The following SEC23A variants were observed in gnomAD, a reference collection of about 807,000 sequenced individuals.
SEC23A encodes SEC23 homolog A, COPII component.
SEC23A carries 56 observed loss-of-function variants against 103.7 expected under a neutral mutation model. The ratio of observed to expected loss-of-function variants is 0.54; its 90% confidence interval spans 0.44 to 0.67. The LOEUF (loss-of-function observed/expected upper bound fraction) is 0.67. SEC23A is among the 30% of genes least tolerant of loss of function. SEC23A has a pLI of 0.00. For synonymous variants in SEC23A, 281 were observed against 293.0 expected (o/e 0.96, Z 0.42); for missense variants, 784 against 936.4 (o/e 0.84, Z 2.12).
intron 14 of SEC23A, among the ~76,000 whole-genome samples, chr14:39,052,275 C>G (rs1467544994): frequency 6.6e-6 from 1 of 151,824 alleles, no homozygotes; most frequent in African/African-American, 2.4e-5. Context: ...ATACAAAAAA[C>G]CTGCACATCC....
intron 9 of SEC23A, among the ~76,000 whole-genome samples, chr14:39,072,788 C>G (rs1433804888): frequency 1.3e-5 from 2 of 152,086 alleles, no homozygotes; most frequent in African/African-American, 4.8e-5. Flanking sequence ...ACTCCAGCCT[C>G]AGTAACAGAG....
chr14:39,101,412 G>A (rs1019441880), intron 1 of SEC23A, among the ~76,000 whole-genome samples: 1 of 151,820 alleles, frequency 6.6e-6, no homozygotes, highest in Non-Finnish European at 1.5e-5. Context: ...GAGGTCAGGA[G>A]ATCGAGACCA....
intron 7 of SEC23A, among the ~76,000 whole-genome samples, chr14:39,083,778 T>C (rs1181894136): frequency 1.3e-5 from 2 of 152,030 alleles, no homozygotes; most frequent in South Asian, 2.1e-4. Context: ...TTGCTCAGGC[T>C]GGTCTCGAAC....
At chr14:39,040,491 C>G in intron 18 of SEC23A, 4 of 555,452 alleles carry the variant, frequency 7.2e-6, no homozygotes, top group Non-Finnish European at 1.3e-5. Flanking sequence ...TGGCCCTGTT[C>G]AGGAAGCTAG....
At chr14:39,064,767 A>G (rs1886599501) in intron 11 of SEC23A, 146 bp downstream of exon 11, 1 of 709,330 alleles carries the variant, frequency 1.4e-6, no homozygotes, top group Admixed American at 2.1e-5. Context: ...CAGGAGGGGA[A>G]CAGGGTCTCT....
chr14:39,094,930 A>G, intron 2 of SEC23A: 1 of 682,500 alleles, frequency 1.5e-6, no homozygotes, highest in Non-Finnish European at 2.6e-6. Context: ...TGTATTTCTC[A>G]TTCCAAGAAT....
At chr14:39,034,893 C>T (rs1188934919) in intron 19 of SEC23A, among the ~76,000 whole-genome samples, 1 of 152,192 alleles carries the variant, frequency 6.6e-6, no homozygotes, top group Non-Finnish European at 1.5e-5. Context: ...GTGGTGCCCT[C>T]TTACGGCCGT....
Position 39,040,825 on chromosome 14 carries a change from G to A in SEC23A, c.2049C>T (p.His683=). 2.5e-6 allele frequency: 4 copies of A among 1,614,166 alleles called. No individual in the cohort carries two copies. The highest frequency in any genetic ancestry group is 3.4e-6 in the Non-Finnish European group (4 of 1,180,034). The change falls in exon 18 of 20, where the codon CAC becomes CAT. Residue 683 remains histidine (H), a synonymous_variant. Coordinates refer to ENST00000307712, the MANE Select transcript of SEC23A (RefSeq NM_006364.4). ...CATCATCCACTGGGGCTTGCAGAAGGTGGCGGAAATTTTCATACTCAGGCA... is the reference window on the plus strand; with the variant it reads ...CATCATCCACTGGGGCTTGCAGAAGATGGCGGAAATTTTCATACTCAGGCA... ...QDMPEYENFR[H]LLQAPVDDAQ...
Position 39,084,183 on chromosome 14 carries a change from G to A in SEC23A, c.828+1579C>T, listed in dbSNP as rs796136444. 1.7e-3 allele frequency among the ~76,000 whole-genome samples: 251 copies of A among 151,144 alleles called. 1 individual carries two copies. The highest frequency in any genetic ancestry group is 5.7e-3 in the African/African-American group (236 of 41,254). ...ATTACAGGCATGCGCCACCACGCCC[G>A]GCTAGTTTTTTTTTTTGTATTTTTA... On this transcript the variant is annotated intron_variant, in intron 7 of 19. Transcript: ENST00000307712.
chr14:39,078,935 C>T (rs1456530195), intron 7 of SEC23A, among the ~76,000 whole-genome samples: 1 of 151,858 alleles, frequency 6.6e-6, no homozygotes, highest in African/African-American at 2.4e-5. Flanking sequence ...AAGGGTCTAC[C>T]AAAACCAAAC....
intron 1 of SEC23A, among the ~76,000 whole-genome samples, chr14:39,100,562 G>C (rs942436960): frequency 2.0e-5 from 3 of 151,736 alleles, no homozygotes; most frequent in African/African-American, 7.3e-5. Flanking sequence ...ACGGGCATAA[G>C]CCACCACACC....
At chr14:39,047,510 C>CAAAA in intron 15 of SEC23A, 1 of 513,892 alleles carries the variant, frequency 1.9e-6, no homozygotes, top group Non-Finnish European at 2.8e-6. Flanking sequence ...ACAACAACAA[C>CAAAA]AAAAAAAAAA....
intron 18 of SEC23A, 97 bp downstream of exon 18, chr14:39,040,635 C>T (rs1885606541): frequency 8.1e-6 from 12 of 1,476,270 alleles, no homozygotes; most frequent in Admixed American, 3.3e-5. Context: ...TTTCTGTCTG[C>T]TTTATGAAGC....
chr14:39,057,944 T>G (rs1039735235), intron 13 of SEC23A, among the ~76,000 whole-genome samples: 5 of 152,206 alleles, frequency 3.3e-5, no homozygotes, highest in Non-Finnish European at 7.3e-5. Context: ...ATTTCCATGT[T>G]AATACACTGA....
At position 39,092,864 on chromosome 14, in the gene SEC23A, TTTTG is replaced by T. The variant is rs768999347; in HGVS notation, c.280-241_280-238del. 98 of 503,436 alleles carry T rather than the reference TTTTG, an allele frequency of 1.9e-4. No individual in the cohort carries two copies. In the Admixed American group the frequency reaches 2.5e-3, roughly 13 times the overall value. 31.2% of individuals were successfully genotyped at this position (503,436 alleles called of 1,614,324 possible). A position where few individuals can be genotyped will look rare whatever the true frequency, so the allele number is the denominator to read the frequency against. On this transcript the variant is annotated intron_variant, in intron 3 of 19. Coordinates refer to ENST00000307712, the MANE Select transcript of SEC23A (RefSeq NM_006364.4). ...TTTTTTTCATTTGTTTGTTTGTTTG[TTTTG>T]TTTGTTTGTTTTTGAGACGGAGTCT...
chr14:39,059,567 G>C lies in SEC23A; in HGVS notation c.1505+2198C>G, dbSNP rs187116082. 2.6e-5 allele frequency among the ~76,000 whole-genome samples: 4 copies of C among 152,220 alleles called. No individual in the cohort carries two copies. The East Asian group carries it at 7.7e-4, about 29-fold the overall frequency. ...TATTTCAAACATAAAGACAGTAAGA[G>C]TGGAATAAACTCCTATATAACCATC... is the stretch of plus-strand genomic sequence containing the variant. On this transcript the variant is annotated intron_variant, in intron 13 of 19. Transcript: ENST00000307712.
At chr14:39,036,430 A>G (rs1885465412) in intron 19 of SEC23A, among the ~76,000 whole-genome samples, 4 of 151,284 alleles carry the variant, frequency 2.6e-5, no homozygotes. Flanking sequence ...ATTAATCTTC[A>G]GTTGATTTTT....
chr14:39,040,634 G>C (rs191841352), intron 18 of SEC23A, 98 bp downstream of exon 18: 1 of 1,465,586 alleles, frequency 6.8e-7, no homozygotes, highest in African/African-American at 1.4e-5. Context: ...CTTTCTGTCT[G>C]CTTTATGAAG....
rs550270165 is a variant in SEC23A at position 39,076,035 on chromosome 14, T to C, written c.887A>G (p.Gln296Arg). ...ATCTCCAACCACCATTCCAGGCCCC[T>C]GAGTAGCAGGACCACCAATGAACAT... ...IMMFIGGPAT[Q>R]GPGMVVGDEL... The change falls in exon 8 of 20, where the codon CAG becomes CGG. Residue 296 changes from glutamine (Q) to arginine (R), a missense_variant. Around this residue, in one of 2 missense-constraint regions of SEC23A, gnomAD observed 683 missense variants for 774.2 expected, o/e 0.88. Coordinates refer to ENST00000307712, the MANE Select transcript of SEC23A (RefSeq NM_006364.4). 8 of 1,613,708 alleles carry C rather than the reference T, an allele frequency of 5.0e-6. No homozygotes were observed. In the African/African-American group the frequency reaches 8.0e-5, roughly 16 times the overall value.
Sources: gnomAD v4.1 joint callset for allele counts (sites outside exome capture counted in the v4.1 genomes callset) on GRCh38, gnomAD v4.1.1 for gene constraint, gnomAD v4.1.1 regional missense constraint, MANE v1.5 for transcripts, NCBI Gene and HGNC (gene_info 2026-07-23, HGNC 2026-07-21) for gene names.